The following TMEM108 variants were observed in gnomAD, a reference collection of about 807,000 sequenced individuals.
TMEM108 encodes the protein cancer/testis antigen 124.
In TMEM108, 12 loss-of-function variants were observed where a neutral mutation model predicts 35.1. The observed-to-expected ratio is 0.34, with a 90% confidence interval of 0.22 to 0.55. The LOEUF (loss-of-function observed/expected upper bound fraction) is 0.55. Ranked by LOEUF, TMEM108 falls within the 20% of genes least tolerant of loss-of-function variation. The pLI is 0.89. For synonymous variants in TMEM108, 287 were observed against 308.6 expected, an observed-to-expected ratio of 0.93 and a Z score of 0.73; for missense variants, 680 against 753.3, an observed-to-expected ratio of 0.90 and a Z score of 1.14.
intron 2 of TMEM108, among the ~76,000 whole-genome samples, chr3:133,222,780 TTTA>T (rs1248107992): frequency 1.3e-5 from 2 of 152,132 alleles, no homozygotes; most frequent in African/African-American, 4.8e-5. Context: ...ATTTTGGTCA[TTTA>T]TTATTCTCCT....
chr3:133,332,963 C>T (rs890251882), intron 3 of TMEM108, among the ~76,000 whole-genome samples: 1 of 152,162 alleles, frequency 6.6e-6, no homozygotes, highest in Non-Finnish European at 1.5e-5. Context: ...AACATGAATC[C>T]ACCATGACCC....
intron 1 of TMEM108, among the ~76,000 whole-genome samples, chr3:133,045,212 C>T (rs1278932291): frequency 2.0e-5 from 3 of 152,124 alleles, no homozygotes; most frequent in Non-Finnish European, 4.4e-5. Context: ...TTGTGATCCG[C>T]CCACCTCAAC....
intron 3 of TMEM108, among the ~76,000 whole-genome samples, chr3:133,341,608 TG>T (rs1290468803): frequency 1.3e-5 from 2 of 151,854 alleles, no homozygotes; most frequent in African/African-American, 4.8e-5. Context: ...AGAACAAAAC[TG>T]GAAGAATCAT....
chr3:133,117,332 T>A (rs1455346312), intron 2 of TMEM108, among the ~76,000 whole-genome samples: 2 of 152,204 alleles, frequency 1.3e-5, no homozygotes, highest in African/African-American at 2.4e-5. Flanking sequence ...AGCAAGTCAA[T>A]CAGCGAGTAA....
chr3:133,221,348 T>C (rs1945987278), intron 2 of TMEM108, among the ~76,000 whole-genome samples: 1 of 152,088 alleles, frequency 6.6e-6, no homozygotes, highest in African/African-American at 2.4e-5. Context: ...AACTCTGTGT[T>C]GAATGCTCCT....
intron 3 of TMEM108, among the ~76,000 whole-genome samples, chr3:133,347,638 T>C (rs1316934018): frequency 1.3e-5 from 2 of 152,138 alleles, no homozygotes; most frequent in Non-Finnish European, 2.9e-5. Context: ...TCTTGCTTTA[T>C]TGCATTAGCT....
intron 3 of TMEM108, among the ~76,000 whole-genome samples, chr3:133,252,885 A>G (rs1946491131): frequency 6.6e-6 from 1 of 152,196 alleles, no homozygotes; most frequent in African/African-American, 2.4e-5. Context: ...ATCTGTGGAT[A>G]TGGAGGGCTG....
chr3:133,370,409 C>A (rs1305467935), intron 3 of TMEM108, among the ~76,000 whole-genome samples: 1 of 152,136 alleles, frequency 6.6e-6, no homozygotes, highest in Non-Finnish European at 1.5e-5. Flanking sequence ...AGATAAAGCA[C>A]CTCTTTCATA....
chr3:133,101,132 T>C (rs1944082260), intron 2 of TMEM108, among the ~76,000 whole-genome samples: 1 of 152,230 alleles, frequency 6.6e-6, no homozygotes, highest in Non-Finnish European at 1.5e-5. Context: ...AAGAGCCTTG[T>C]ATGTAAAAAT....
At chr3:133,081,519 C>T (rs1357567022) in intron 2 of TMEM108, among the ~76,000 whole-genome samples, 2 of 152,216 alleles carry the variant, frequency 1.3e-5, no homozygotes, top group Non-Finnish European at 2.9e-5. Flanking sequence ...CAATTCAGTT[C>T]ACAGCAATGA....
chr3:133,089,493 CTGAA>C (rs2107705371), intron 2 of TMEM108, among the ~76,000 whole-genome samples: 1 of 152,270 alleles, frequency 6.6e-6, no homozygotes, highest in Non-Finnish European at 1.5e-5. Context: ...CCACTTTACT[CTGAA>C]TGTGCCTCAT....
chr3:133,158,589 CCAGAGT>C (rs1944916209), intron 2 of TMEM108, among the ~76,000 whole-genome samples: 1 of 151,884 alleles, frequency 6.6e-6, no homozygotes, highest in Non-Finnish European at 1.5e-5. Context: ...TCAAAAAATG[CCAGAGT>C]CAAAGAGAAA....
intron 2 of TMEM108, among the ~76,000 whole-genome samples, chr3:133,217,040 C>A (rs1328084683): frequency 6.6e-6 from 1 of 152,102 alleles, no homozygotes. Flanking sequence ...AATTTACCTT[C>A]CGATCAACAG....
chr3:133,184,800 TCA>T (rs1485088690), intron 2 of TMEM108, among the ~76,000 whole-genome samples: 1 of 152,134 alleles, frequency 6.6e-6, no homozygotes, highest in South Asian at 2.1e-4. Context: ...CTGGGGAGAA[TCA>T]GTAAGTATGA....
At chr3:133,159,962 C>T (rs1381084538) in intron 2 of TMEM108, among the ~76,000 whole-genome samples, 1 of 152,234 alleles carries the variant, frequency 6.6e-6, no homozygotes, top group Non-Finnish European at 1.5e-5. Context: ...CCTGATGTCA[C>T]AGCAAGTAAG....
intron 3 of TMEM108, among the ~76,000 whole-genome samples, chr3:133,238,141 A>G (rs933577921): frequency 1.3e-5 from 2 of 151,936 alleles, no homozygotes; most frequent in South Asian, 2.1e-4. Flanking sequence ...ACACCACACA[A>G]TTCTACCCAA....
chr3:133,142,426 G>A (rs557459498), intron 2 of TMEM108, among the ~76,000 whole-genome samples: 25 of 152,306 alleles, frequency 1.6e-4, no homozygotes, highest in Non-Finnish European at 1.5e-5. Flanking sequence ...GAGGAGAGCA[G>A]CTCAGCTGGA....
intron 2 of TMEM108, among the ~76,000 whole-genome samples, chr3:133,074,965 A>T (rs1373692533): frequency 4.0e-5 from 6 of 151,856 alleles, no homozygotes; most frequent in Non-Finnish European, 2.9e-5. Context: ...ATATTATAAA[A>T]TATGTATTGT....
Position 133,159,557 on chromosome 3 carries a change from G to A in TMEM108, c.-46-69709G>A, listed in dbSNP as rs1944931365. ...ACTACAGGTTTACGTTCAGATTTAA[G>A]AAGCCCACTATGATGATGATAACCC... On this transcript the variant is annotated intron_variant, in intron 2 of 5. Coordinates refer to ENST00000321871, the MANE Select transcript of TMEM108 (RefSeq NM_023943.4). Among the ~76,000 whole-genome samples, 2 of 152,166 alleles carry A rather than the reference G, an allele frequency of 1.3e-5. 1 individual carries two copies. The highest frequency in any genetic ancestry group is 4.1e-4 in the South Asian group (2 of 4,826).
Sources: gnomAD v4.1 joint callset for allele counts (sites outside exome capture counted in the v4.1 genomes callset) on GRCh38, gnomAD v4.1.1 for gene constraint, MANE v1.5 for transcripts, NCBI Gene and HGNC (gene_info 2026-07-23, HGNC 2026-07-21) for gene names.